Variants in RCOR1 observed in about 807,000 individuals in gnomAD.
RCOR1 encodes the protein REST corepressor 1.
In RCOR1, 12 loss-of-function variants were observed where a neutral mutation model predicts 64.0. The ratio of observed to expected loss-of-function variants is 0.19; its 90% CI spans 0.12 to 0.30. The LOEUF (loss-of-function observed/expected upper bound fraction) is 0.30, where lower values mean the gene tolerates loss of function less well. Among genes scored for constraint, RCOR1 ranks in the 10% least tolerant of loss-of-function variants. The pLI, the probability that RCOR1 is intolerant of heterozygous loss-of-function variation, is 1.00. For synonymous variants in RCOR1, 279 were observed against 227.2 expected (o/e 1.23, Z -2.05); for missense variants, 502 against 621.2 (o/e 0.81, Z 2.04).
intron 3 of RCOR1, among the ~76,000 whole-genome samples, chr14:102,683,522 C>T (rs530515073): frequency 1.3e-5 from 2 of 152,258 alleles, no homozygotes; most frequent in Non-Finnish European, 1.5e-5. Flanking sequence ...CAGGTCCCCC[C>T]GATCCCAGAC....
chr14:102,729,972 TG>T lies in RCOR1; in HGVS notation c.*3468del. The T allele has an allele frequency of 2.5e-6, 1 of 399,040 alleles. No individual in the cohort carries two copies. The allele number at this position is 399,040 out of a possible 1,614,324, so 24.7% of individuals were successfully genotyped here. On this transcript the variant is annotated 3_prime_UTR_variant, in exon 12 of 12. Transcript: ENST00000262241. ...AGGTAGCCAGGTCACCTAAACCTAG[TG>T]GTCCTGTGCGATGCTCTTTCTGCCA...
chr14:102,599,910 C>T (rs540223368), intron 2 of RCOR1, among the ~76,000 whole-genome samples: 1 of 150,736 alleles, frequency 6.6e-6, no homozygotes, highest in African/African-American at 2.4e-5. Context: ...CTCAAGTGAT[C>T]CTCCCCCCTC....
chr14:102,693,011 C>G (rs891255935), intron 3 of RCOR1, among the ~76,000 whole-genome samples: 2 of 152,096 alleles, frequency 1.3e-5, no homozygotes, highest in Non-Finnish European at 2.9e-5. Context: ...AGTGATTGAC[C>G]TGCCTCAGCC....
intron 3 of RCOR1, among the ~76,000 whole-genome samples, chr14:102,684,195 C>T (rs187709880): frequency 9.0e-4 from 137 of 152,274 alleles, no homozygotes; most frequent in Non-Finnish European, 9.7e-4. Flanking sequence ...ATAGCAAACC[C>T]GTGGAAATGA....
At chr14:102,643,985 AAAC>A (rs1335351218) in intron 2 of RCOR1, among the ~76,000 whole-genome samples, 1 of 152,200 alleles carries the variant, frequency 6.6e-6, no homozygotes, top group Non-Finnish European at 1.5e-5. Flanking sequence ...TATTGTCTTT[AAAC>A]AACAACAATC....
chr14:102,637,152 A>C (rs954008504), intron 2 of RCOR1, among the ~76,000 whole-genome samples: 3 of 141,150 alleles, frequency 2.1e-5, no homozygotes, highest in African/African-American at 8.0e-5. Flanking sequence ...TTTGAGACGG[A>C]GTCTTACTCT....
At chr14:102,612,778 C>T (rs976679409) in intron 2 of RCOR1, among the ~76,000 whole-genome samples, 1 of 151,518 alleles carries the variant, frequency 6.6e-6, no homozygotes, top group African/African-American at 2.4e-5. Flanking sequence ...TGCTTGATGC[C>T]AGGAGCTAGA....
chr14:102,601,040 T>C (rs1226738964), intron 2 of RCOR1, among the ~76,000 whole-genome samples: 1 of 151,356 alleles, frequency 6.6e-6, no homozygotes, highest in Non-Finnish European at 1.5e-5. Flanking sequence ...AACACAAAAA[T>C]TAGCTGGGCG....
intron 2 of RCOR1, among the ~76,000 whole-genome samples, chr14:102,664,997 A>G (rs1051010163): frequency 1.3e-5 from 2 of 151,976 alleles, no homozygotes; most frequent in South Asian, 4.1e-4. Context: ...CTTACATGAG[A>G]TATTCAACCC....
intron 2 of RCOR1, among the ~76,000 whole-genome samples, chr14:102,609,205 C>T (rs1157113198): frequency 6.6e-6 from 1 of 151,234 alleles, no homozygotes; most frequent in Non-Finnish European, 1.5e-5. Context: ...GCCACTACAC[C>T]TGGCTAATTT....
chr14:102,620,222 T>G (rs1467853747), intron 2 of RCOR1, among the ~76,000 whole-genome samples: 1 of 150,278 alleles, frequency 6.7e-6, no homozygotes. Context: ...AGACACCCCG[T>G]CACCACACAC....
chr14:102,684,696 G>A (rs897123069), intron 3 of RCOR1, among the ~76,000 whole-genome samples: 2 of 150,496 alleles, frequency 1.3e-5, no homozygotes, highest in East Asian at 1.9e-4. Flanking sequence ...GGTGATAATC[G>A]TTAAACATTT....
chr14:102,706,807 T>C (rs1895868244), intron 4 of RCOR1, among the ~76,000 whole-genome samples: 1 of 151,586 alleles, frequency 6.6e-6, no homozygotes, highest in African/African-American at 2.4e-5. Flanking sequence ...GGGTGACAGA[T>C]CCAGACCCTG....
At chr14:102,719,003 C>G (rs1319507128) in intron 8 of RCOR1, among the ~76,000 whole-genome samples, 2 of 152,136 alleles carry the variant, frequency 1.3e-5, no homozygotes, top group Non-Finnish European at 2.9e-5. Flanking sequence ...GTCACCCAGG[C>G]TGTTCTTGAA....
chr14:102,598,506 G>A (rs937180609), intron 2 of RCOR1, among the ~76,000 whole-genome samples: 5 of 147,028 alleles, frequency 3.4e-5, no homozygotes, highest in Non-Finnish European at 7.4e-5. Context: ...GGAGTGCAGT[G>A]GTGTAATCCG....
chr14:102,641,792 T>TA (rs1894375402), intron 2 of RCOR1, among the ~76,000 whole-genome samples: 1 of 152,224 alleles, frequency 6.6e-6, no homozygotes, highest in South Asian at 2.1e-4. Context: ...GGCTATGTGT[T>TA]ACTTCTGTCT....
At position 102,712,567 on chromosome 14, in the gene RCOR1, C is replaced by G. The variant is rs139650146; in HGVS notation, c.858+1554C>G. Reference sequence around the variant, plus strand: ...ATAAACAATGCTGGATTGATTCTCACATAACTCACTATCTGTGCTCATAGA... The same window carrying G: ...ATAAACAATGCTGGATTGATTCTCAGATAACTCACTATCTGTGCTCATAGA... On this transcript the variant is annotated intron_variant, in intron 7 of 11. Transcript: ENST00000262241. Among the ~76,000 whole-genome samples the G allele has an allele frequency of 1.3e-4, 20 of 151,580 alleles. 1 individual carries two copies. In the East Asian group the frequency reaches 3.9e-3, roughly 29 times the overall value.
At chr14:102,685,331 A>G (rs1451118950) in intron 3 of RCOR1, among the ~76,000 whole-genome samples, 1 of 152,090 alleles carries the variant, frequency 6.6e-6, no homozygotes, top group African/African-American at 2.4e-5. Flanking sequence ...TGTAACTAGT[A>G]TGGATGTATC....
At chr14:102,604,834 G>C (rs1893471419) in intron 2 of RCOR1, among the ~76,000 whole-genome samples, 1 of 152,046 alleles carries the variant, frequency 6.6e-6, no homozygotes, top group Admixed American at 6.6e-5. Flanking sequence ...TGTAATCCCA[G>C]CACTTTGGGA....
Sources: allele counts gnomAD v4.1 joint callset (sites outside exome capture counted in the v4.1 genomes callset), GRCh38; gene constraint gnomAD v4.1.1; transcripts MANE v1.5; gene names NCBI Gene and HGNC (gene_info 2026-07-23, HGNC 2026-07-21).